The following ADAM10 variants were observed in gnomAD, a reference collection of about 807,000 sequenced individuals.
ADAM10 encodes the protein ADAM metallopeptidase domain 10, also known as disintegrin and metalloproteinase domain-containing protein 10.
ADAM10 carries 17 observed loss-of-function variants against 90.1 expected under a neutral mutation model. The observed-to-expected ratio is 0.19, with a 90% confidence interval of 0.13 to 0.28. The LOEUF is 0.28. Among genes scored for constraint, ADAM10 ranks in the 10% least tolerant of loss-of-function variants. The pLI is 1.00. For synonymous variants in ADAM10, 310 were observed against 298.6 expected (o/e 1.04, Z -0.40); for missense variants, 610 against 914.3 (o/e 0.67, Z 4.29).
intron 3 of ADAM10, among the ~76,000 whole-genome samples, chr15:58,679,805 G>A (rs1037665301): frequency 6.6e-6 from 1 of 152,138 alleles, no homozygotes; most frequent in Non-Finnish European, 1.5e-5. Flanking sequence ...CTACTCAGGA[G>A]GCTGAGGCAG....
chr15:58,682,404 T>C, intron 2 of ADAM10, 90 bp from the exon 3 acceptor site: 1 of 1,512,938 alleles, frequency 6.6e-7, no homozygotes, highest in Non-Finnish European at 8.8e-7. Context: ...GTCTACAAAA[T>C]GTGGACTGTT....
intron 11 of ADAM10, among the ~76,000 whole-genome samples, chr15:58,613,466 A>C (rs1435200767): frequency 6.6e-6 from 1 of 152,230 alleles, no homozygotes; most frequent in East Asian, 1.9e-4. Flanking sequence ...CCCAAAGAAA[A>C]GGAAATCAAT....
Position 58,679,292 on chromosome 15 carries a change from A to G in ADAM10, c.326-10T>C, listed in dbSNP as rs111517153. The G allele has an allele frequency of 1.8e-3, 2,957 of 1,613,632 alleles. 27 individuals carry two copies. Among genetic ancestry groups the G allele is most frequent in the Middle Eastern group, 0.017 (105 of 6,056 alleles). On this transcript the variant is annotated splice_polypyrimidine_tract_variant and intron_variant, in intron 3 of 15. Coordinates refer to ENST00000260408, the MANE Select transcript of ADAM10 (RefSeq NM_001110.4). ...AAACTTCCTTCTTCACCTATTAATGAAAGCAACAAATTCTTGACAATTTAA... is the reference window on the plus strand; with the variant it reads ...AAACTTCCTTCTTCACCTATTAATGGAAGCAACAAATTCTTGACAATTTAA...
chr15:58,589,540 T>C lies in ADAM10; in HGVS notation c.*8007A>G, dbSNP rs1311964720. ...GTACTGTAACTGCTGGTTTCTTTCCTTCCGCTAGACCCTCAGCTCCCTGAA... is the reference window on the plus strand; with the variant it reads ...GTACTGTAACTGCTGGTTTCTTTCCCTCCGCTAGACCCTCAGCTCCCTGAA... On this transcript the variant is annotated 3_prime_UTR_variant, in exon 16 of 16. Coordinates refer to ENST00000260408, the MANE Select transcript of ADAM10 (RefSeq NM_001110.4). 1 of 152,278 alleles carries C rather than the reference T, an allele frequency of 6.6e-6. No individual in the cohort carries two copies. The highest frequency in any genetic ancestry group is 2.4e-5 in the African/African-American group (1 of 41,454). 9.4% of individuals were successfully genotyped at this position (152,278 alleles called of 1,614,324 possible).
chr15:58,617,996 G>A lies in ADAM10; in HGVS notation c.1511+3475C>T, dbSNP rs528908650. Among the ~76,000 whole-genome samples, 86 of 151,064 alleles carry A rather than the reference G, an allele frequency of 5.7e-4. 2 individuals carry two copies. Among genetic ancestry groups the A allele is most frequent in the Admixed American group, 8.6e-4 (13 of 15,168 alleles). On this transcript the variant is annotated intron_variant, in intron 11 of 15. Coordinates refer to ENST00000260408, the MANE Select transcript of ADAM10 (RefSeq NM_001110.4). ...AAGCAATCTACAGATTCAATGTAAT[G>A]CCTATCCAAATACCAATGACATTCT...
intron 2 of ADAM10, among the ~76,000 whole-genome samples, chr15:58,689,224 G>A: frequency 6.6e-6 from 1 of 152,062 alleles, no homozygotes; most frequent in East Asian, 1.9e-4. Flanking sequence ...GGTGGCTCAC[G>A]CCTGTAATCC....
chr15:58,676,349 C>T, intron 4 of ADAM10: 1 of 454,076 alleles, frequency 2.2e-6, no homozygotes, highest in Admixed American at 2.4e-5. Flanking sequence ...TTTGAGAATT[C>T]AATTCAATAA....
At chr15:58,688,339 G>C (rs1413160905) in intron 2 of ADAM10, among the ~76,000 whole-genome samples, 1 of 151,854 alleles carries the variant, frequency 6.6e-6, no homozygotes, top group African/African-American at 2.4e-5. Context: ...ATCAGCCTGG[G>C]CAATGTAGCA....
intron 1 of ADAM10, among the ~76,000 whole-genome samples, chr15:58,744,174 T>A (rs1342974150): frequency 6.6e-6 from 1 of 151,194 alleles, no homozygotes; most frequent in Non-Finnish European, 1.5e-5. Context: ...TTCCAACTGT[T>A]TAGAAAGTTA....
intron 8 of ADAM10, among the ~76,000 whole-genome samples, chr15:58,636,292 G>C (rs1042431593): frequency 6.7e-6 from 1 of 148,758 alleles, no homozygotes. Flanking sequence ...AAAAAAAAAA[G>C]GAAGTTTAAT....
chr15:58,675,466 T>C (rs981207535), intron 4 of ADAM10, among the ~76,000 whole-genome samples: 6 of 152,200 alleles, frequency 3.9e-5, no homozygotes, highest in African/African-American at 9.7e-5. Flanking sequence ...TTCATGTTAA[T>C]AACAATACTA....
intron 5 of ADAM10, among the ~76,000 whole-genome samples, chr15:58,647,253 T>TTTTTTTTTTTTTTTTG (rs1896573973): frequency 1.6e-5 from 1 of 62,008 alleles, no homozygotes; most frequent in Non-Finnish European, 3.4e-5. Context: ...TAAGTATTTT[T>TTTTTTTTTTTTTTTTG]TTTTTTTTTT....
chr15:58,621,410 G>A, intron 11 of ADAM10, 61 bp downstream of exon 11: 1 of 1,579,986 alleles, frequency 6.3e-7, no homozygotes. Context: ...TTTTAAATTT[G>A]TCATAACTGC....
chr15:58,633,137 C>A (rs1488904594), intron 9 of ADAM10, 59 bp downstream of exon 9: 26 of 1,477,202 alleles, frequency 1.8e-5, no homozygotes, highest in Non-Finnish European at 2.2e-5. Context: ...AAATAAATCA[C>A]TCAACATAAA....
At chr15:58,631,977 T>C (rs1384822118) in intron 9 of ADAM10, among the ~76,000 whole-genome samples, 1 of 152,132 alleles carries the variant, frequency 6.6e-6, no homozygotes, top group Non-Finnish European at 1.5e-5. Flanking sequence ...ATGGGAAAAA[T>C]TAGAGAAGTG....
At position 58,648,545 on chromosome 15, in the gene ADAM10, T is replaced by G. The variant is rs539577777; in HGVS notation, c.586-2341A>C. Among the ~76,000 whole-genome samples the G allele has an allele frequency of 1.1e-4, 16 of 152,112 alleles. No individual in the cohort carries two copies. In the East Asian group the frequency reaches 1.4e-3, roughly 13 times the overall value. ...TGTGAAAATTCTATTTAAAGAAAGG[T>G]TTTAAATAAGAAAACAGTCTGAAAT... On this transcript the variant is annotated intron_variant, in intron 5 of 15. Transcript: ENST00000260408.
chr15:58,646,227 T>G (rs543519001), intron 5 of ADAM10, 23 bp from the exon 6 acceptor site: 7 of 1,606,590 alleles, frequency 4.4e-6, no homozygotes, highest in Non-Finnish European at 5.9e-6. Context: ...AAGTCATTTC[T>G]GACAATTAGT....
In ADAM10 at chr15:58,590,317, T is replaced by C. The variant is rs570733694; in HGVS notation, c.*7230A>G. On this transcript the variant is annotated 3_prime_UTR_variant, in exon 16 of 16. Transcript: ENST00000260408. Reference sequence around the variant, plus strand: ...AGCTGGAATTGTACATTTATTCACATGATTATCTGATATCTATCTCACCTA... The same window carrying C: ...AGCTGGAATTGTACATTTATTCACACGATTATCTGATATCTATCTCACCTA... The C allele has an allele frequency of 6.6e-6, 1 of 152,370 alleles. No homozygotes were observed. The highest frequency in any genetic ancestry group is 2.4e-5 in the African/African-American group (1 of 41,570). 9.4% of individuals were successfully genotyped at this position (152,370 alleles called of 1,614,324 possible).
At chr15:58,735,377 C>T (rs1171237411) in intron 1 of ADAM10, among the ~76,000 whole-genome samples, 2 of 152,160 alleles carry the variant, frequency 1.3e-5, no homozygotes, top group Admixed American at 1.3e-4. Flanking sequence ...ATCTTAATTC[C>T]TAATTTTATC....
Sources: gnomAD v4.1 joint callset for allele counts (sites outside exome capture counted in the v4.1 genomes callset) on GRCh38, gnomAD v4.1.1 for gene constraint, MANE v1.5 for transcripts, NCBI Gene and HGNC (gene_info 2026-07-23, HGNC 2026-07-21) for gene names.